Variants in SMARCC1 observed in about 807,000 individuals in gnomAD.
The protein encoded by SMARCC1 is SWI/SNF related BAF chromatin remodeling complex subunit C1.
In SMARCC1, 43 loss-of-function variants were observed where a neutral mutation model predicts 147.4. The ratio of observed to expected loss-of-function variants is 0.29; its 90% CI spans 0.23 to 0.38. The LOEUF is 0.38. Ranked by LOEUF, SMARCC1 falls within the 10% of genes least tolerant of loss-of-function variation. SMARCC1 has a pLI of 1.00. For missense variants in SMARCC1, 1,119 were observed against 1,381.1 expected (o/e 0.81, Z 3.01); for synonymous variants, 495 against 484.4 (o/e 1.02, Z -0.29).
At chr3:47,767,020 A>G (rs1473865087) in intron 2 of SMARCC1, among the ~76,000 whole-genome samples, 1 of 151,784 alleles carries the variant, frequency 6.6e-6, no homozygotes, top group Non-Finnish European at 1.5e-5. Context: ...TCTCTACTAA[A>G]ATACAAAACA....
intron 9 of SMARCC1, 113 bp downstream of exon 9, chr3:47,710,570 C>A: frequency 9.7e-7 from 1 of 1,028,564 alleles, no homozygotes; most frequent in Non-Finnish European, 1.4e-6. Flanking sequence ...AGCCATCAGG[C>A]AGATGTGAAA....
intron 21 of SMARCC1, among the ~76,000 whole-genome samples, chr3:47,640,969 C>T (rs2033040444): frequency 6.6e-6 from 1 of 152,100 alleles, no homozygotes; most frequent in Non-Finnish European, 1.5e-5. Flanking sequence ...AAGTATCTGA[C>T]AAAACTCAGT....
chr3:47,768,039 T>C (rs2034862536), intron 2 of SMARCC1, among the ~76,000 whole-genome samples: 1 of 152,032 alleles, frequency 6.6e-6, no homozygotes, highest in Admixed American at 6.6e-5. Flanking sequence ...AGACGGGGCC[T>C]ATGTTGCCCA....
intron 25 of SMARCC1, among the ~76,000 whole-genome samples, chr3:47,616,123 T>C (rs2032640291): frequency 6.6e-6 from 1 of 152,236 alleles, no homozygotes; most frequent in Non-Finnish European, 1.5e-5. Flanking sequence ...AACATTCAAA[T>C]GTAAACGGCT....
chr3:47,604,245 T>C (rs2032431884), intron 26 of SMARCC1: 1 of 456,656 alleles, frequency 2.2e-6, no homozygotes, highest in African/African-American at 2.0e-5. Flanking sequence ...GAATTACATG[T>C]AACTTATCTG....
chr3:47,668,596 T>A (rs2033453895), intron 19 of SMARCC1, among the ~76,000 whole-genome samples: 1 of 152,276 alleles, frequency 6.6e-6, no homozygotes, highest in Admixed American at 6.5e-5. Context: ...TGAAACAAGG[T>A]CTTTTAAAAA....
rs570864616 is a variant in SMARCC1, at chr3:47,706,452, G to T, written c.997C>A (p.Pro333Thr). ...RKRKHSPSPPPPTPTESRKKS... is the reference protein window; with the variant it reads ...RKRKHSPSPPTPTPTESRKKS... ...TTCCGTGATTCTGTTGGTGTCGGAG[G>T]GGGAGGCGAAGGCGAATGTTTCCTC... Residue 333 changes from proline to threonine, a missense_variant, in exon 10 of 28, where the codon CCT becomes ACT. Pro to Thr is a conservative substitution (Grantham distance 38). Coordinates refer to ENST00000254480, the MANE Select transcript of SMARCC1 (RefSeq NM_003074.4). The T allele has an allele frequency of 3.2e-6, 5 of 1,579,242 alleles. No individual in the cohort carries two copies. The highest frequency in any genetic ancestry group is 1.9e-5 in the Admixed American group (1 of 52,832).
In SMARCC1 at chr3:47,761,168, G is replaced by A. The variant is rs1027962610; in HGVS notation, c.315+11649C>T. Among the ~76,000 whole-genome samples the A allele has an allele frequency of 2.0e-5, 3 of 151,990 alleles. 1 individual carries two copies. The highest frequency in any genetic ancestry group is 1.3e-4 in the Admixed American group (2 of 15,218). Reference sequence around the variant, plus strand: ...AAAGAAAAGAAAAGCCAGGCGTGGTGGAATGTGTCTGTGGTCTCAGCCACT... The same window carrying A: ...AAAGAAAAGAAAAGCCAGGCGTGGTAGAATGTGTCTGTGGTCTCAGCCACT... On this transcript the variant is annotated intron_variant, in intron 2 of 27. Coordinates refer to ENST00000254480, the MANE Select transcript of SMARCC1 (RefSeq NM_003074.4).
At chr3:47,677,479 G>A (rs1166833681) in intron 16 of SMARCC1, among the ~76,000 whole-genome samples, 1 of 151,136 alleles carries the variant, frequency 6.6e-6, no homozygotes, top group Non-Finnish European at 1.5e-5. Flanking sequence ...CTCCATCCCT[G>A]GTTATTTTAT....
chr3:47,770,838 G>A (rs1026599130), intron 2 of SMARCC1, among the ~76,000 whole-genome samples: 1 of 152,050 alleles, frequency 6.6e-6, no homozygotes, highest in East Asian at 1.9e-4. Context: ...TTAACTTTTT[G>A]GATAATAAAA....
chr3:47,722,554 C>T (rs976451094), intron 6 of SMARCC1, among the ~76,000 whole-genome samples: 2 of 152,020 alleles, frequency 1.3e-5, no homozygotes, highest in African/African-American at 4.8e-5. Flanking sequence ...CCTCGGCCTC[C>T]CAAAGTGCTG....
At chr3:47,651,564 C>G (rs2033191491) in intron 21 of SMARCC1, among the ~76,000 whole-genome samples, 1 of 152,144 alleles carries the variant, frequency 6.6e-6, no homozygotes, top group South Asian at 2.1e-4. Flanking sequence ...CACTGGATGC[C>G]TACATAGCAG....
chr3:47,609,214 C>A (rs1347852298), intron 26 of SMARCC1, among the ~76,000 whole-genome samples: 1 of 152,110 alleles, frequency 6.6e-6, no homozygotes, highest in Non-Finnish European at 1.5e-5. Flanking sequence ...ATAAGACTCC[C>A]GGCCAGGCGC....
At chr3:47,668,090 T>A (rs1019132581) in intron 19 of SMARCC1, among the ~76,000 whole-genome samples, 7 of 152,174 alleles carry the variant, frequency 4.6e-5, no homozygotes, top group Non-Finnish European at 1.0e-4. Context: ...AATTCTTTAG[T>A]CACTGTGGAA....
At chr3:47,633,274 T>C (rs1284142103) in intron 24 of SMARCC1, among the ~76,000 whole-genome samples, 4 of 152,162 alleles carry the variant, frequency 2.6e-5, no homozygotes, top group Non-Finnish European at 5.9e-5. Flanking sequence ...TAAGGGATGC[T>C]GACCTGAGTG....
chr3:47,781,821 G>A lies in SMARCC1; in HGVS notation c.-24C>T, dbSNP rs778042428. 3.7e-6 allele frequency: 5 copies of A among 1,354,288 alleles called. No homozygotes were observed. The African/African-American group carries it at 6.2e-5, about 17-fold the overall frequency. The allele number at this position is 1,354,288 out of a possible 1,614,324, so 83.9% of individuals were successfully genotyped here. On this transcript the variant is annotated 5_prime_UTR_variant, in exon 1 of 28. Coordinates refer to ENST00000254480, the MANE Select transcript of SMARCC1 (RefSeq NM_003074.4). ...ATCGTCGCAGCCCGTCGTCCCCACA[G>A]CCTGGCCCACCCCGGCCCTCGCGGT...
intron 1 of SMARCC1, among the ~76,000 whole-genome samples, chr3:47,773,505 C>A (rs780654190): frequency 5.9e-5 from 9 of 151,262 alleles, no homozygotes; most frequent in Non-Finnish European, 8.8e-5. Flanking sequence ...AGCTAGGAAG[C>A]TTCACAGCAA....
At chr3:47,631,863 A>T (rs750129072) in intron 24 of SMARCC1, among the ~76,000 whole-genome samples, 6 of 152,140 alleles carry the variant, frequency 3.9e-5, no homozygotes, top group Non-Finnish European at 5.9e-5. Flanking sequence ...TACCCCCCTA[A>T]TTACCATGTA....
At position 47,678,364 on chromosome 3, in the gene SMARCC1, A is replaced by G. The variant is rs1427034303; in HGVS notation, c.1458-53T>C. On this transcript the variant is annotated intron_variant, in intron 15 of 27. Coordinates refer to ENST00000254480, the MANE Select transcript of SMARCC1 (RefSeq NM_003074.4). ...GTGGACATGTATCCTCTCAGAAACA[A>G]TGTTACTTAGAAACTCAAAAATCTT... 15 of 810,324 alleles carry G rather than the reference A, an allele frequency of 1.9e-5. No individual in the cohort carries two copies. In the Admixed American group the frequency reaches 2.9e-4, roughly 15 times the overall value. 50.2% of individuals were successfully genotyped at this position (810,324 alleles called of 1,614,324 possible).
Sources: allele counts gnomAD v4.1 joint callset (sites outside exome capture counted in the v4.1 genomes callset), GRCh38; gene constraint gnomAD v4.1.1; transcripts MANE v1.5; gene names NCBI Gene and HGNC (gene_info 2026-07-23, HGNC 2026-07-21).